RGS7: variants seen among roughly 807,000 people sequenced by gnomAD.
The protein encoded by RGS7 is regulator of G-protein signaling 7.
RGS7 carries 27 observed loss-of-function variants against 81.1 expected under a neutral mutation model. The observed-to-expected ratio is 0.33, with a 90% CI of 0.25 to 0.46. The LOEUF is 0.46. Among genes scored for constraint, RGS7 ranks in the 20% least tolerant of loss-of-function variants. RGS7 has a pLI of 1.00. For missense variants in RGS7, 396 were observed against 607.4 expected, an observed-to-expected ratio of 0.65 and a Z score of 3.66; for synonymous variants, 208 against 207.7, an observed-to-expected ratio of 1.00 and a Z score of -0.01.
intron 1 of RGS7, among the ~76,000 whole-genome samples, chr1:241,356,371 C>T (rs2083570453): frequency 6.6e-6 from 1 of 152,148 alleles, no homozygotes; most frequent in South Asian, 2.1e-4. Context: ...CACACAGAGC[C>T]GGAGTATATG....
intron 9 of RGS7, among the ~76,000 whole-genome samples, chr1:240,852,704 AC>A (rs1466592558): frequency 6.6e-6 from 1 of 152,172 alleles, no homozygotes; most frequent in African/African-American, 2.4e-5. Flanking sequence ...AACTTCAGGG[AC>A]CCAAGAATAT....
chr1:240,813,279 C>T (rs1256260179), intron 13 of RGS7, among the ~76,000 whole-genome samples: 2 of 152,154 alleles, frequency 1.3e-5, no homozygotes, highest in Admixed American at 6.5e-5. Context: ...ATTCACTTTA[C>T]TTGACTACAT....
intron 6 of RGS7, among the ~76,000 whole-genome samples, chr1:240,910,138 G>T (rs905271171): frequency 4.6e-5 from 7 of 152,104 alleles, no homozygotes; most frequent in South Asian, 2.1e-4. Context: ...TTTAAGGAAA[G>T]AAATTCTTTT....
intron 2 of RGS7, among the ~76,000 whole-genome samples, chr1:241,182,825 T>TTTGTTTG (rs2071747670): frequency 3.3e-5 from 5 of 149,882 alleles, no homozygotes; most frequent in African/African-American, 9.8e-5. Flanking sequence ...ATTTTTCGGT[T>TTTGTTTG]TTTGTTTGTT....
chr1:240,917,725 T>C (rs1672829830), intron 6 of RGS7, among the ~76,000 whole-genome samples: 1 of 152,152 alleles, frequency 6.6e-6, no homozygotes, highest in Middle Eastern at 3.2e-3. Flanking sequence ...ATAAAACAGT[T>C]ATAAACATTA....
intron 4 of RGS7, among the ~76,000 whole-genome samples, chr1:240,957,290 G>A (rs1558522765): frequency 6.6e-6 from 1 of 152,164 alleles, no homozygotes; most frequent in Non-Finnish European, 1.5e-5. Context: ...TTGGACTCTT[G>A]GACTTACACC....
At chr1:240,835,026 A>G (rs1292471389) in intron 9 of RGS7, among the ~76,000 whole-genome samples, 3 of 152,154 alleles carry the variant, frequency 2.0e-5, no homozygotes, top group African/African-American at 7.2e-5. Flanking sequence ...TAACAGGAGA[A>G]CATCTAGGTG....
chr1:241,165,179 A>C (rs372240494), intron 2 of RGS7, among the ~76,000 whole-genome samples: 21 of 152,230 alleles, frequency 1.4e-4, no homozygotes, highest in African/African-American at 5.1e-4. Context: ...CACTCATTCC[A>C]GAAGTAGACT....
chr1:241,338,592 C>G (rs2148686363), intron 2 of RGS7, among the ~76,000 whole-genome samples: 1 of 152,148 alleles, frequency 6.6e-6, no homozygotes, highest in Middle Eastern at 3.4e-3. Flanking sequence ...TGCATTTATT[C>G]TTTGACATGG....
rs1281922945 is a variant in RGS7 at position 241,055,033 on chromosome 1, T to TA, written c.175+43632dup. ...GTAAATCATGACAACATTAAAAAAATAGAGTGGAATAAAAATGCCACAGTG... is the reference window on the plus strand; with the variant it reads ...GTAAATCATGACAACATTAAAAAAATAAGAGTGGAATAAAAATGCCACAGTG... On this transcript the variant is annotated intron_variant, in intron 3 of 18. Transcript: ENST00000440928. 4.6e-5 allele frequency among the ~76,000 whole-genome samples: 7 copies of TA among 152,188 alleles called. No individual in the cohort carries two copies. The East Asian group carries it at 9.7e-4, about 21-fold the overall frequency.
chr1:240,809,995 T>C (rs1378171809), intron 14 of RGS7, among the ~76,000 whole-genome samples: 2 of 152,146 alleles, frequency 1.3e-5, no homozygotes, highest in Non-Finnish European at 2.9e-5. Flanking sequence ...ACTAAGAAAT[T>C]GGCAGGAATT....
At chr1:241,283,883 T>G (rs1272150206) in intron 2 of RGS7, among the ~76,000 whole-genome samples, 3 of 152,220 alleles carry the variant, frequency 2.0e-5, no homozygotes, top group Admixed American at 2.0e-4. Flanking sequence ...TTCTTTCCTG[T>G]GCCTTCTTCA....
intron 2 of RGS7, among the ~76,000 whole-genome samples, chr1:241,230,553 T>C (rs1442755882): frequency 2.0e-5 from 3 of 152,212 alleles, no homozygotes; most frequent in Non-Finnish European, 2.9e-5. Flanking sequence ...AGTTGCTGGG[T>C]ATGCCATGGG....
chr1:241,256,926 TACACACACAC>T (rs10552436), intron 2 of RGS7, among the ~76,000 whole-genome samples: 12,073 of 146,200 alleles, frequency 0.083, 555 homozygotes, highest in East Asian at 0.13. Context: ...CCACTAGAAA[TACACACACAC>T]ACACACACAC....
chr1:240,939,057 C>A (rs1461335680), intron 4 of RGS7, among the ~76,000 whole-genome samples: 1 of 152,110 alleles, frequency 6.6e-6, no homozygotes, highest in African/African-American at 2.4e-5. Flanking sequence ...ATAAACCTAC[C>A]TGGCAGGATT....
intron 4 of RGS7, among the ~76,000 whole-genome samples, chr1:240,967,479 G>A (rs748351862): frequency 4.6e-5 from 7 of 151,912 alleles, no homozygotes; most frequent in East Asian, 1.9e-4. Context: ...GAGAGATCAC[G>A]GAGGAAGTCT....
At chr1:241,050,955 A>G (rs2061217947) in intron 3 of RGS7, among the ~76,000 whole-genome samples, 1 of 152,164 alleles carries the variant, frequency 6.6e-6, no homozygotes, top group Non-Finnish European at 1.5e-5. Context: ...GGGAGTCAAA[A>G]TTTATTTGCA....
At chr1:241,221,006 AAAGG>A (rs58113561) in intron 2 of RGS7, among the ~76,000 whole-genome samples, 22,845 of 84,096 alleles carry the variant, frequency 0.27, 3,628 homozygotes, top group African/African-American at 0.42. Context: ...AGAGAGAGAG[AAAGG>A]AAGGAAGGAA....
At chr1:241,174,645 C>G (rs1256767967) in intron 2 of RGS7, among the ~76,000 whole-genome samples, 1 of 152,116 alleles carries the variant, frequency 6.6e-6, no homozygotes, top group Non-Finnish European at 1.5e-5. Flanking sequence ...CATGAGGAAA[C>G]AGCTAGTGGA....
Sources: allele counts gnomAD v4.1 joint callset (sites outside exome capture counted in the v4.1 genomes callset), GRCh38; gene constraint gnomAD v4.1.1; transcripts MANE v1.5; gene names NCBI Gene and HGNC (gene_info 2026-07-23, HGNC 2026-07-21).